Variants in EBF3 observed in about 807,000 individuals in gnomAD.
The protein encoded by EBF3 is transcription factor COE3.
Under a neutral mutation model 77.1 loss-of-function variants are expected in EBF3, and 18 were observed. That is an observed-to-expected ratio of 0.23 (90% CI 0.16 to 0.35). The LOEUF (loss-of-function observed/expected upper bound fraction) is 0.35, where lower values mean the gene tolerates loss of function less well. Among genes scored for constraint, EBF3 ranks in the 10% least tolerant of loss-of-function variants. EBF3 has a pLI of 1.00. For missense variants in EBF3, 558 were observed against 860.0 expected (o/e 0.65, Z 4.39); for synonymous variants, 350 against 343.5 (o/e 1.02, Z -0.21).
intron 6 of EBF3, among the ~76,000 whole-genome samples, chr10:129,942,871 T>C (rs1435068690): frequency 6.6e-6 from 1 of 152,182 alleles, no homozygotes; most frequent in Non-Finnish European, 1.5e-5. Context: ...ACAGAAATTT[T>C]CTGTGCAGAA....
chr10:129,928,393 A>C (rs1481285788), intron 6 of EBF3, among the ~76,000 whole-genome samples: 3 of 152,198 alleles, frequency 2.0e-5, no homozygotes, highest in African/African-American at 7.2e-5. Context: ...CATCCAGTAC[A>C]CACATTTTTA....
intron 6 of EBF3, among the ~76,000 whole-genome samples, chr10:129,921,310 C>T (rs1856289675): frequency 6.6e-6 from 1 of 152,146 alleles, no homozygotes; most frequent in Non-Finnish European, 1.5e-5. Flanking sequence ...TAGCAGCATC[C>T]TCAGTCTCAA....
In EBF3 at chr10:129,842,718, T is replaced by G. The variant is rs181271524; in HGVS notation, c.1194+419A>C. 8.6e-4 allele frequency among the ~76,000 whole-genome samples: 121 copies of G among 140,624 alleles called. 1 individual carries two copies. The highest frequency in any genetic ancestry group is 1.9e-3 in the African/African-American group (69 of 36,766). The allele number at this position is 140,624 out of a possible 152,430, so 92.3% of individuals were successfully genotyped here. On this transcript the variant is annotated intron_variant, in intron 12 of 16. Transcript: ENST00000440978. This position sits in a 1 kb window ranked among gnomAD's most constrained non-coding sequence, Gnocchi z 4.4. ...GGTGGAGGTTGCAGTGAACCGACACTGCCCTACTGCACTCCAGCCTGGGTG... is the reference window on the plus strand; with the variant it reads ...GGTGGAGGTTGCAGTGAACCGACACGGCCCTACTGCACTCCAGCCTGGGTG...
rs994804665 is a variant in EBF3, at chr10:129,879,423, G to A, written c.555-1574C>T. Among the ~76,000 whole-genome samples the A allele has an allele frequency of 6.6e-6, 1 of 152,044 alleles. No individual in the cohort carries two copies. Among genetic ancestry groups the A allele is most frequent in the African/African-American group, 2.4e-5 (1 of 41,384 alleles). On this transcript the variant is annotated intron_variant, in intron 6 of 16. Transcript: ENST00000440978. This position sits in a 1 kb window ranked among gnomAD's most constrained non-coding sequence, Gnocchi z 4.7. Reference sequence around the variant, plus strand: ...GATTTTCTTACGTTCAAGGTTCCTCGCTGGCAATTAGAATATCAGAAAATG... The same window carrying A: ...GATTTTCTTACGTTCAAGGTTCCTCACTGGCAATTAGAATATCAGAAAATG...
rs537284395 is a variant in EBF3, at chr10:129,915,051, T to C, written c.555-37202A>G. Among the ~76,000 whole-genome samples, 17 of 152,228 alleles carry C rather than the reference T, an allele frequency of 1.1e-4. No individual in the cohort carries two copies. In the South Asian group the frequency reaches 3.1e-3, roughly 28 times the overall value. On this transcript the variant is annotated intron_variant, in intron 6 of 16. Transcript: ENST00000440978. ...GCAAACCCTTGGGCCCTTCAAGAGT[T>C]TGCTGCTCCTCACTGTGTGAAGAGG...
rs1485145360 is a variant in EBF3, at chr10:129,964,274, T to A, written c.-506A>T. 1 of 984,762 alleles carries A rather than the reference T, an allele frequency of 1.0e-6. No homozygotes were observed. Among genetic ancestry groups the A allele is most frequent in the Non-Finnish European group, 1.2e-6 (1 of 829,778 alleles). 61.0% of individuals were successfully genotyped at this position (984,762 alleles called of 1,614,324 possible). ...AACTCAGCCCTCTCTCCCCGAGGAATGGACCCTTTCCCGGGAGCCAAAACT... is the reference window on the plus strand; with the variant it reads ...AACTCAGCCCTCTCTCCCCGAGGAAAGGACCCTTTCCCGGGAGCCAAAACT... On this transcript the variant is annotated 5_prime_UTR_variant, in exon 1 of 17. Transcript: ENST00000440978. The surrounding 1 kb of genome is among the most constrained non-coding windows in gnomAD (Gnocchi z 4.5).
At chr10:129,849,605 G>A (rs1317595700) in intron 10 of EBF3, among the ~76,000 whole-genome samples, 1 of 152,166 alleles carries the variant, frequency 6.6e-6, no homozygotes, top group African/African-American at 2.4e-5. Flanking sequence ...CTTGGGCGTC[G>A]GCGCATCTTG....
At chr10:129,838,853 T>G (rs894974596) in intron 16 of EBF3, among the ~76,000 whole-genome samples, 4 of 152,252 alleles carry the variant, frequency 2.6e-5, no homozygotes, top group African/African-American at 9.6e-5. Flanking sequence ...CGTTACAACT[T>G]TACGGTTTGG....
At chr10:129,839,652 C>T (rs1849867935) in intron 15 of EBF3, among the ~76,000 whole-genome samples, 1 of 152,230 alleles carries the variant, frequency 6.6e-6, no homozygotes, top group African/African-American at 2.4e-5. Context: ...ACACCTCTTT[C>T]CAAAAGACAG....
At chr10:129,886,984 C>T (rs898067198) in intron 6 of EBF3, among the ~76,000 whole-genome samples, 45 of 147,012 alleles carry the variant, frequency 3.1e-4, no homozygotes, top group Admixed American at 9.1e-4. Flanking sequence ...TACCGATCAG[C>T]GCCTGGCTGC....
chr10:129,917,681 T>TAAAAAAAAAAAA (rs1239226466), intron 6 of EBF3, among the ~76,000 whole-genome samples: 44 of 60,434 alleles, frequency 7.3e-4, no homozygotes, highest in South Asian at 1.1e-3. Flanking sequence ...AAAAAAAAAC[T>TAAAAAAAAAAAA]AAAACCAAGC....
At chr10:129,893,623 T>C (rs182326832) in intron 6 of EBF3, among the ~76,000 whole-genome samples, 9 of 152,330 alleles carry the variant, frequency 5.9e-5, no homozygotes, top group African/African-American at 2.2e-4. Context: ...CAATTTCCCC[T>C]GGCATGGTAA....
At position 129,836,043 on chromosome 10, in the gene EBF3, TG is replaced by T. The variant is rs1003404847; in HGVS notation, c.*1899del. The T allele has an allele frequency of 6.6e-6, 1 of 152,336 alleles. No homozygotes were observed. Among genetic ancestry groups the T allele is most frequent in the African/African-American group, 2.4e-5 (1 of 41,318 alleles). The allele number at this position is 152,336 out of a possible 1,614,324, so 9.4% of individuals were successfully genotyped here. On this transcript the variant is annotated 3_prime_UTR_variant, in exon 17 of 17. Transcript: ENST00000440978. ...CCCTGAAACCTCTGTGAATCGGAGG[TG>T]GGCCCAGGAGGGTGCAGGACGCAGC...
chr10:129,880,386 CACACATGCCT>C (rs1239666302), intron 6 of EBF3, among the ~76,000 whole-genome samples: 2 of 152,164 alleles, frequency 1.3e-5, no homozygotes, highest in African/African-American at 4.8e-5. Context: ...CTTGCATACA[CACACATGCCT>C]ACACATGCAT....
At chr10:129,880,121 C>G (rs561034576) in intron 6 of EBF3, among the ~76,000 whole-genome samples, 1 of 152,312 alleles carries the variant, frequency 6.6e-6, no homozygotes, top group East Asian at 1.9e-4. Flanking sequence ...GATACCCTAA[C>G]TAGCCCTCAC....
chr10:129,958,794 G>A (rs1859242759), intron 5 of EBF3, 140 bp downstream of exon 5: 2 of 1,151,278 alleles, frequency 1.7e-6, no homozygotes, highest in Admixed American at 3.9e-5. Context: ...GGCCCGGCGC[G>A]CGGCCTCGGG....
chr10:129,844,731 G>C (rs575952384), intron 11 of EBF3, among the ~76,000 whole-genome samples: 13 of 152,194 alleles, frequency 8.5e-5, no homozygotes, highest in Non-Finnish European at 1.8e-4. Context: ...AATTGGTGCC[G>C]ACGCTTGATG....
chr10:129,879,353 A>G lies in EBF3; in HGVS notation c.555-1504T>C, dbSNP rs1175772794. On this transcript the variant is annotated intron_variant, in intron 6 of 16. Transcript: ENST00000440978. This position sits in a 1 kb window ranked among gnomAD's most constrained non-coding sequence, Gnocchi z 4.7. The stretch of plus-strand genomic sequence containing the variant: ...TTTCTCTACTTCCTCCCAAAATATC[A>G]TCTGTCCTACTTGGTGATTATTAAT... Among the ~76,000 whole-genome samples the G allele has an allele frequency of 1.3e-5, 2 of 152,134 alleles. No individual in the cohort carries two copies. The highest frequency in any genetic ancestry group is 1.3e-4 in the Admixed American group (2 of 15,278).
intron 6 of EBF3, among the ~76,000 whole-genome samples, chr10:129,924,846 A>T (rs7908893): frequency 0.16 from 23,973 of 151,784 alleles, 2,835 homozygotes; most frequent in African/African-American, 0.33. Flanking sequence ...TAAAAAAAAA[A>T]TTTGTGAAGA....
Sources: allele counts gnomAD v4.1 joint callset (sites outside exome capture counted in the v4.1 genomes callset), GRCh38; gene constraint gnomAD v4.1.1; non-coding constraint Gnocchi (gnomAD v3.1); transcripts MANE v1.5; gene names NCBI Gene and HGNC (gene_info 2026-07-23, HGNC 2026-07-21).